The following MLC1 variants were observed in gnomAD, a reference collection of about 807,000 sequenced individuals.
MLC1 encodes membrane protein MLC1.
A neutral mutation model predicts 44.7 loss-of-function variants in MLC1; 32 were observed. The ratio of observed to expected loss-of-function variants is 0.72; its 90% CI spans 0.54 to 0.96. The LOEUF is 0.96. Ranked by LOEUF, MLC1 falls within the 40% of genes least tolerant of loss-of-function variation. The pLI is 0.00. For synonymous variants in MLC1, 190 were observed against 213.0 expected, an observed-to-expected ratio of 0.89 and a Z score of 0.94; for missense variants, 459 against 492.2, an observed-to-expected ratio of 0.93 and a Z score of 0.64.
chr22:50,060,696 C>G lies in MLC1; in HGVS notation c.*887G>C, dbSNP rs1201429487. 6.6e-6 allele frequency: 1 copy of G among 152,420 alleles called. No homozygotes were observed. Among genetic ancestry groups the G allele is most frequent in the Admixed American group, 6.6e-5 (1 of 15,256 alleles). The allele number at this position is 152,420 out of a possible 1,614,324, so 9.4% of individuals were successfully genotyped here. The stretch of plus-strand genomic sequence containing the variant: ...CCACCCCCAAGAACACTGCCTGTCA[C>G]AGCAGCGGCCACGTGGCACTCCAAG... On this transcript the variant is annotated 3_prime_UTR_variant, in exon 12 of 12. Transcript: ENST00000311597.
At chr22:50,085,302 C>G (rs1210205228) in intron 1 of MLC1, 53 bp downstream of exon 1, 3 of 776,754 alleles carry the variant, frequency 3.9e-6, no homozygotes, top group Admixed American at 4.4e-5. Flanking sequence ...GGTAGCTAAA[C>G]GAGAGATTGC....
chr22:50,073,636 G>A (rs891245799), intron 8 of MLC1, among the ~76,000 whole-genome samples: 7 of 152,160 alleles, frequency 4.6e-5, no homozygotes, highest in Non-Finnish European at 1.0e-4. Flanking sequence ...GGGAGGCTGA[G>A]GTGGGCAAAT....
At chr22:50,079,500 C>CTTT (rs55760839) in intron 5 of MLC1, among the ~76,000 whole-genome samples, 4,539 of 75,818 alleles carry the variant, frequency 0.06, 352 homozygotes, top group East Asian at 0.1. Context: ...GGATTTTTGT[C>CTTT]TTTTTTTTTT....
chr22:50,068,099 CT>C (rs1304149013), intron 10 of MLC1, among the ~76,000 whole-genome samples: 1 of 152,242 alleles, frequency 6.6e-6, no homozygotes, highest in Non-Finnish European at 1.5e-5. Flanking sequence ...TTAAATTCAC[CT>C]GTTAAACTCA....
In MLC1 at chr22:50,083,013, T is replaced by C. The variant is rs2062183823; in HGVS notation, c.267+71A>G. ...TACAGGTGACAGAAACCTGCACATCTCAGAACAAAGAAACCAGAGCACGTG... is the reference window on the plus strand; with the variant it reads ...TACAGGTGACAGAAACCTGCACATCCCAGAACAAAGAAACCAGAGCACGTG... On this transcript the variant is annotated intron_variant, in intron 3 of 11. Transcript: ENST00000311597. This position sits in a 1 kb window ranked among gnomAD's most constrained non-coding sequence, Gnocchi z 4.6. 1 of 1,467,024 alleles carries C rather than the reference T, an allele frequency of 6.8e-7. No homozygotes were observed. The highest frequency in any genetic ancestry group is 9.5e-7 in the Non-Finnish European group (1 of 1,048,722). The allele number at this position is 1,467,024 out of a possible 1,614,324, so 90.9% of individuals were successfully genotyped here. A position where few individuals can be genotyped will look rare whatever the true frequency, so the allele number is the denominator to read the frequency against.
intron 11 of MLC1, among the ~76,000 whole-genome samples, chr22:50,063,032 C>T (rs1436608226): frequency 6.6e-6 from 1 of 152,170 alleles, no homozygotes; most frequent in African/African-American, 2.4e-5. Context: ...GCGTCCCCAC[C>T]AGAGACCAGG....
intron 10 of MLC1, 42 bp downstream of exon 10, chr22:50,068,391 G>A: frequency 6.2e-7 from 1 of 1,608,790 alleles, no homozygotes; most frequent in South Asian, 1.1e-5. Flanking sequence ...AACACGCAGA[G>A]CACCACATGT....
At chr22:50,066,733 T>A (rs1442452420) in intron 10 of MLC1, among the ~76,000 whole-genome samples, 1 of 151,826 alleles carries the variant, frequency 6.6e-6, no homozygotes, top group Non-Finnish European at 1.5e-5. Flanking sequence ...GAAAAAAAAA[T>A]TATCATCTGG....
chr22:50,066,094 T>G (rs1295137162), intron 10 of MLC1, among the ~76,000 whole-genome samples: 1 of 152,118 alleles, frequency 6.6e-6, no homozygotes, highest in Non-Finnish European at 1.5e-5. Flanking sequence ...TCCCAGCACT[T>G]TGGGAGGCCA....
intron 3 of MLC1, among the ~76,000 whole-genome samples, chr22:50,081,677 G>A (rs1274437379): frequency 6.6e-6 from 1 of 152,264 alleles, no homozygotes; most frequent in Non-Finnish European, 1.5e-5. Context: ...GGAGGCAGAA[G>A]AAGCCCCGTC....
At chr22:50,074,754 A>C in intron 7 of MLC1, 1 of 260,022 alleles carries the variant, frequency 3.8e-6, no homozygotes, top group Non-Finnish European at 7.7e-6. Flanking sequence ...CATAGGACAC[A>C]CCCACCCGTG....
Position 50,079,918 on chromosome 22 carries a change from G to T in MLC1, c.423C>A (p.Asn141Lys), listed in dbSNP as rs121908343. 1 of 1,608,878 alleles carries T rather than the reference G, an allele frequency of 6.2e-7. No homozygotes were observed. The highest frequency in any genetic ancestry group is 1.1e-5 in the South Asian group (1 of 90,974). ...CKLVLNPSAI[N>K]INFNLILLLL... ...CTGCGCGAAGCTCGTGTGAACTCAC[G>T]TTTATTGCTGATGGGTTCAGGACTA... Residue 141 changes from asparagine to lysine, a missense_variant and splice_region_variant, in exon 5 of 12, where the codon AAC (asparagine) becomes AAA (lysine). Asn to Lys is a moderately conservative substitution (Grantham distance 94). Coordinates refer to ENST00000311597, the MANE Select transcript of MLC1 (RefSeq NM_015166.4).
In MLC1 at chr22:50,080,363, G is replaced by A; in HGVS notation, c.302C>T (p.Ser101Phe). Residue 101 changes from serine to phenylalanine, a missense_variant, in exon 4 of 12, where the codon TCC (serine) becomes TTC (phenylalanine). By Grantham distance (155) the Ser-to-Phe change is radical. Coordinates refer to ENST00000311597, the MANE Select transcript of MLC1 (RefSeq NM_015166.4). ...IPSAIVSFTV[S>F]RRNANVIPNF... The stretch of plus-strand genomic sequence containing the variant: ...ACTCACCACATTGGCGTTCCTCCTG[G>A]AGACGGTGAAGCTCACAATTGCCGA... 6.2e-7 allele frequency: 1 copy of A among 1,608,272 alleles called. No individual in the cohort carries two copies. Among genetic ancestry groups the A allele is most frequent in the East Asian group, 2.2e-5 (1 of 44,584 alleles).
At chr22:50,069,800 C>T (rs914569958) in intron 9 of MLC1, among the ~76,000 whole-genome samples, 3 of 152,224 alleles carry the variant, frequency 2.0e-5, no homozygotes, top group African/African-American at 7.2e-5. Context: ...GTCTCAGAGA[C>T]AGCCTTCACT....
intron 11 of MLC1, 53 bp downstream of exon 11, chr22:50,063,980 AC>A (rs2061644539): frequency 3.6e-6 from 4 of 1,103,924 alleles, no homozygotes; most frequent in Non-Finnish European, 4.7e-6. Flanking sequence ...CTGGCTGGGC[AC>A]CCCCGTGGGC....
chr22:50,061,474 C>G lies in MLC1; in HGVS notation c.*109G>C. On this transcript the variant is annotated 3_prime_UTR_variant, in exon 12 of 12. Coordinates refer to ENST00000311597, the MANE Select transcript of MLC1 (RefSeq NM_015166.4). ...CCACCTGCAGCCTGGTTTGCCCTCA[C>G]ACAAGGGAAAAGAGGTGTTAGAAGC... is the stretch of plus-strand genomic sequence containing the variant. The G allele has an allele frequency of 8.0e-7, 1 of 1,246,712 alleles. No individual in the cohort carries two copies. Among genetic ancestry groups the G allele is most frequent in the East Asian group, 2.3e-5 (1 of 43,180 alleles). The allele number at this position is 1,246,712 out of a possible 1,614,324, so 77.2% of individuals were successfully genotyped here.
chr22:50,068,628 T>TG (rs574347685), intron 9 of MLC1, 73 bp from the exon 10 acceptor site: 10 of 659,180 alleles, frequency 1.5e-5, no homozygotes, highest in African/African-American at 5.2e-5. Flanking sequence ...TGGCCAGGGC[T>TG]GGGGGGGCGG....
At chr22:50,064,889 G>C (rs2061671198) in intron 10 of MLC1, among the ~76,000 whole-genome samples, 2 of 151,952 alleles carry the variant, frequency 1.3e-5, no homozygotes, top group African/African-American at 4.8e-5. Flanking sequence ...GCTACAAAAA[G>C]TAAGAGAAGA....
intron 5 of MLC1, among the ~76,000 whole-genome samples, chr22:50,078,343 C>A (rs973834615): frequency 6.6e-6 from 1 of 152,080 alleles, no homozygotes; most frequent in Non-Finnish European, 1.5e-5. Context: ...CCACATTCAA[C>A]TAAAAACAGA....
Sources: allele counts gnomAD v4.1 joint callset (sites outside exome capture counted in the v4.1 genomes callset), GRCh38; gene constraint gnomAD v4.1.1; non-coding constraint Gnocchi (gnomAD v3.1); transcripts MANE v1.5; gene names NCBI Gene and HGNC (gene_info 2026-07-23, HGNC 2026-07-21).